MCTP1: variants seen among roughly 807,000 people sequenced by gnomAD.
MCTP1 encodes the protein multiple C2 and transmembrane domain containing 1.
MCTP1 carries 69 observed loss-of-function variants against 120.6 expected under a neutral mutation model. The observed-to-expected ratio is 0.57, with a 90% CI of 0.47 to 0.70. The LOEUF is 0.70. Among genes scored for constraint, MCTP1 ranks in the 30% least tolerant of loss-of-function variants. The pLI is 0.00. For missense variants in MCTP1, 1,203 were observed against 1,248.8 expected (o/e 0.96, Z 0.55); for synonymous variants, 529 against 493.1 (o/e 1.07, Z -0.96).
intron 1 of MCTP1, among the ~76,000 whole-genome samples, chr5:95,136,573 C>G (rs1415676358): frequency 6.6e-6 from 1 of 152,102 alleles, no homozygotes; most frequent in East Asian, 1.9e-4. Flanking sequence ...GGGAGGAAAT[C>G]TTTGCGGAAG....
chr5:95,132,805 T>A (rs1759146262), intron 1 of MCTP1, among the ~76,000 whole-genome samples: 1 of 152,214 alleles, frequency 6.6e-6, no homozygotes, highest in Admixed American at 6.5e-5. Flanking sequence ...TGTGCATGGT[T>A]ACATATTGGG....
chr5:94,774,461 T>C (rs1372860225), intron 19 of MCTP1, among the ~76,000 whole-genome samples: 1 of 152,174 alleles, frequency 6.6e-6, no homozygotes, highest in Non-Finnish European at 1.5e-5. Context: ...AAATGGCAAC[T>C]AGTATCAGAA....
chr5:94,866,993 A>G (rs1305558221), intron 17 of MCTP1: 1 of 201,214 alleles, frequency 5.0e-6, no homozygotes, highest in Non-Finnish European at 9.9e-6. Flanking sequence ...TGGCAGCACG[A>G]TCTTTACAGG....
intron 1 of MCTP1, among the ~76,000 whole-genome samples, chr5:95,209,301 A>T (rs886222752): frequency 6.6e-6 from 1 of 152,140 alleles, no homozygotes; most frequent in Non-Finnish European, 1.5e-5. Flanking sequence ...TTACTCAGAA[A>T]TTCTTTCTTA....
intron 17 of MCTP1, among the ~76,000 whole-genome samples, chr5:94,848,886 A>G (rs1793077347): frequency 6.6e-6 from 1 of 151,920 alleles, no homozygotes; most frequent in African/African-American, 2.4e-5. Flanking sequence ...CCCACTGTTC[A>G]AGAAATTGTA....
chr5:95,178,986 A>G (rs1365158603), intron 1 of MCTP1, among the ~76,000 whole-genome samples: 2 of 152,212 alleles, frequency 1.3e-5, no homozygotes, highest in African/African-American at 4.8e-5. Flanking sequence ...ATAAAAAACA[A>G]TCACGACTTC....
rs528307872 is a variant in MCTP1 at position 94,829,777 on chromosome 5, G to A, written c.2437-30645C>T. Among the ~76,000 whole-genome samples the A allele has an allele frequency of 3.3e-5, 5 of 152,346 alleles. No homozygotes were observed. In the South Asian group the frequency reaches 1.0e-3, roughly 32 times the overall value. On this transcript the variant is annotated intron_variant, in intron 17 of 22. Coordinates refer to ENST00000515393, the MANE Select transcript of MCTP1 (RefSeq NM_024717.7). Reference sequence around the variant, plus strand: ...AGGATATAGGACAGAGATGGAATGTGTTCACAGTTCTGCCTCAGAAGTGTG... The same window carrying A: ...AGGATATAGGACAGAGATGGAATGTATTCACAGTTCTGCCTCAGAAGTGTG...
chr5:95,013,025 A>C (rs1581837831), intron 2 of MCTP1, among the ~76,000 whole-genome samples: 1 of 152,294 alleles, frequency 6.6e-6, no homozygotes, highest in East Asian at 1.9e-4. Context: ...AAGATCTAGA[A>C]GGGCATTTAA....
intron 6 of MCTP1, among the ~76,000 whole-genome samples, chr5:94,930,008 A>G (rs929764059): frequency 1.6e-4 from 25 of 152,132 alleles, no homozygotes; most frequent in African/African-American, 5.6e-4. Flanking sequence ...AAGTACTCAA[A>G]TGAGTGCTGT....
intron 17 of MCTP1, among the ~76,000 whole-genome samples, chr5:94,851,745 C>T (rs574600918): frequency 9.2e-5 from 14 of 151,916 alleles, no homozygotes; most frequent in African/African-American, 2.9e-4. Flanking sequence ...AATAAATATG[C>T]GAGTTTATTC....
At chr5:94,908,198 T>G (rs939375677) in intron 10 of MCTP1, among the ~76,000 whole-genome samples, 6 of 151,962 alleles carry the variant, frequency 3.9e-5, no homozygotes, top group Non-Finnish European at 5.9e-5. Context: ...AGGGAAAAAA[T>G]GTGCAATAAA....
chr5:95,047,626 T>C (rs1039140390), intron 1 of MCTP1, among the ~76,000 whole-genome samples: 4 of 152,180 alleles, frequency 2.6e-5, no homozygotes, highest in African/African-American at 7.2e-5. Flanking sequence ...TCCTAGCATA[T>C]GAACATTCAC....
At chr5:94,894,452 T>C (rs1803411852) in intron 11 of MCTP1, among the ~76,000 whole-genome samples, 197 bp downstream of exon 11, 1 of 152,214 alleles carries the variant, frequency 6.6e-6, no homozygotes, top group Admixed American at 6.5e-5. Flanking sequence ...CTAGAGAAGA[T>C]CAAGTCTCTA....
intron 1 of MCTP1, among the ~76,000 whole-genome samples, chr5:95,197,660 T>C (rs769408868): frequency 6.6e-6 from 1 of 152,166 alleles, no homozygotes; most frequent in Non-Finnish European, 1.5e-5. Flanking sequence ...TATATACACA[T>C]ATGCATACAA....
intron 1 of MCTP1, among the ~76,000 whole-genome samples, chr5:95,180,986 T>G (rs1748536351): frequency 6.6e-6 from 1 of 152,210 alleles, no homozygotes; most frequent in Admixed American, 6.5e-5. Flanking sequence ...GACCTCTTCT[T>G]AAACCCTATT....
Position 94,958,007 on chromosome 5 carries a change from C to A in MCTP1, c.839-4646G>T, listed in dbSNP as rs116246826. Among the ~76,000 whole-genome samples the A allele has an allele frequency of 7.7e-3, 1,171 of 152,246 alleles. 23 individuals are homozygous for A. The highest frequency in any genetic ancestry group is 0.027 in the African/African-American group (1,131 of 41,538). Reference sequence around the variant, plus strand: ...ACATTACACTTATTCTAAAATCGACCACATAATTGGAAGTAAAACTGCTCA... The same window carrying A: ...ACATTACACTTATTCTAAAATCGACAACATAATTGGAAGTAAAACTGCTCA... On this transcript the variant is annotated intron_variant, in intron 2 of 22. Coordinates refer to ENST00000515393, the MANE Select transcript of MCTP1 (RefSeq NM_024717.7).
chr5:94,870,323 C>A, intron 16 of MCTP1, 94 bp downstream of exon 16: 2 of 754,832 alleles, frequency 2.6e-6, no homozygotes, highest in Non-Finnish European at 4.4e-6. Flanking sequence ...AGTCTTCCCC[C>A]CTCCATACCT....
At chr5:95,013,973 T>A (rs1442543990) in intron 2 of MCTP1, among the ~76,000 whole-genome samples, 1 of 151,868 alleles carries the variant, frequency 6.6e-6, no homozygotes, top group Non-Finnish European at 1.5e-5. Flanking sequence ...ATAAAGAACA[T>A]TTCTTGGCTG....
At chr5:95,036,215 A>G in intron 1 of MCTP1, among the ~76,000 whole-genome samples, 1 of 152,182 alleles carries the variant, frequency 6.6e-6, no homozygotes, top group East Asian at 1.9e-4. Flanking sequence ...GCTTCTGTTA[A>G]CAAATGTTTC....
Sources: allele counts gnomAD v4.1 joint callset (sites outside exome capture counted in the v4.1 genomes callset), GRCh38; gene constraint gnomAD v4.1.1; transcripts MANE v1.5; gene names NCBI Gene and HGNC (gene_info 2026-07-23, HGNC 2026-07-21).